The following HMGCLL1 variants were observed in gnomAD, a reference collection of about 807,000 sequenced individuals.
HMGCLL1 encodes 3-hydroxymethyl-3-methylglutaryl-CoA lyase, cytoplasmic.
Under a neutral mutation model 39.1 loss-of-function variants are expected in HMGCLL1, and 36 were observed. The ratio of observed to expected loss-of-function variants is 0.92; its 90% CI spans 0.71 to 1.22. The LOEUF (loss-of-function observed/expected upper bound fraction) is 1.22. Ranked by LOEUF, HMGCLL1 falls within the 50% of genes most tolerant of loss-of-function variation. The probability of loss-of-function intolerance (pLI) is 0.00; values close to 1 mark genes in which losing one functional copy is unlikely to be tolerated. For missense variants in HMGCLL1, 451 were observed against 416.5 expected, an observed-to-expected ratio of 1.08 and a Z score of -0.72; for synonymous variants, 149 against 144.0, an observed-to-expected ratio of 1.03 and a Z score of -0.25.
the HMGCLL1 span, among the ~76,000 whole-genome samples, chr6:55,612,438 A>G: frequency 2.0e-5 from 3 of 152,008 alleles, no homozygotes; most frequent in Non-Finnish European, 1.5e-5. Flanking sequence ...ACAGAATTAG[A>G]AAAAAAACCT....
chr6:55,499,541 G>T (rs1766766055), intron 5 of HMGCLL1, among the ~76,000 whole-genome samples: 2 of 152,108 alleles, frequency 1.3e-5, no homozygotes, highest in Non-Finnish European at 1.5e-5. Flanking sequence ...GGGATAAATA[G>T]TAAGTGATTA....
At chr6:55,479,488 T>G (rs1046841707) in intron 7 of HMGCLL1, among the ~76,000 whole-genome samples, 1 of 151,614 alleles carries the variant, frequency 6.6e-6, no homozygotes, top group Non-Finnish European at 1.5e-5. Flanking sequence ...TGAATCACTT[T>G]CACAGAGCAA....
At chr6:55,671,135 A>G in the HMGCLL1 span, among the ~76,000 whole-genome samples, 4 of 151,832 alleles carry the variant, frequency 2.6e-5, no homozygotes, top group Non-Finnish European at 4.4e-5. Context: ...TTGCCTTTGT[A>G]TAATCTGCCT....
At chr6:55,675,020 T>C in the HMGCLL1 span, among the ~76,000 whole-genome samples, 1 of 152,124 alleles carries the variant, frequency 6.6e-6, no homozygotes, top group Admixed American at 6.5e-5. Context: ...GTCATACTGA[T>C]ACATGCTGGA....
intron 7 of HMGCLL1, among the ~76,000 whole-genome samples, chr6:55,450,729 T>A (rs986506878): frequency 6.6e-6 from 1 of 152,012 alleles, no homozygotes; most frequent in Non-Finnish European, 1.5e-5. Context: ...AAGTAAGGGA[T>A]GATGCCATGA....
upstream of HMGCLL1, among the ~76,000 whole-genome samples, chr6:55,583,566 G>T (rs1772021367): frequency 6.6e-6 from 1 of 152,036 alleles, no homozygotes; most frequent in Non-Finnish European, 1.5e-5. Context: ...TGGTGTATAT[G>T]TGCCACATTT....
At chr6:55,494,627 A>T (rs1766484953) in intron 7 of HMGCLL1, among the ~76,000 whole-genome samples, 1 of 152,172 alleles carries the variant, frequency 6.6e-6, no homozygotes, top group Non-Finnish European at 1.5e-5. Flanking sequence ...TGTATACTTT[A>T]GGACTGTGAT....
the HMGCLL1 span, among the ~76,000 whole-genome samples, chr6:55,669,977 T>C: frequency 6.6e-6 from 1 of 151,800 alleles, no homozygotes; most frequent in African/African-American, 2.4e-5. Context: ...GTGGAAAACA[T>C]ATGACCACAG....
At chr6:55,565,886 C>T (rs1240636554) in intron 1 of HMGCLL1, among the ~76,000 whole-genome samples, 1 of 151,872 alleles carries the variant, frequency 6.6e-6, no homozygotes, top group East Asian at 1.9e-4. Context: ...GTCCTAAAAC[C>T]TAGGCAAGCA....
the HMGCLL1 span, among the ~76,000 whole-genome samples, chr6:55,641,933 G>A: frequency 8.7e-6 from 1 of 114,918 alleles, no homozygotes; most frequent in Non-Finnish European, 1.9e-5. Flanking sequence ...TATACTTTAA[G>A]TTTTAGGGTA....
the HMGCLL1 span, among the ~76,000 whole-genome samples, chr6:55,628,916 G>T: frequency 1.3e-5 from 2 of 152,238 alleles, no homozygotes; most frequent in South Asian, 4.1e-4. Flanking sequence ...ATGTGGAACT[G>T]TAAGTCCATT....
chr6:55,551,674 G>A (rs1291100924), intron 1 of HMGCLL1, among the ~76,000 whole-genome samples: 1 of 151,952 alleles, frequency 6.6e-6, no homozygotes, highest in Non-Finnish European at 1.5e-5. Context: ...CACCAGTACA[G>A]CCTCTACCCA....
the HMGCLL1 span, among the ~76,000 whole-genome samples, chr6:55,604,818 A>G: frequency 6.6e-6 from 1 of 152,312 alleles, no homozygotes; most frequent in East Asian, 1.9e-4. Flanking sequence ...ATAATCCCCA[A>G]CATTCACACA....
chr6:55,495,683 C>T, intron 6 of HMGCLL1, 76 bp from the exon 7 acceptor site: 1 of 1,048,018 alleles, frequency 9.5e-7, no homozygotes, highest in Non-Finnish European at 1.4e-6. Flanking sequence ...CAACTAACAT[C>T]ATCTAAAGGT....
the HMGCLL1 span, among the ~76,000 whole-genome samples, chr6:55,676,361 T>C: frequency 6.6e-6 from 1 of 152,194 alleles, no homozygotes; most frequent in South Asian, 2.1e-4. Context: ...TACCATCTTA[T>C]GAGAAATGGC....
intron 5 of HMGCLL1, among the ~76,000 whole-genome samples, chr6:55,508,332 A>T (rs946972698): frequency 6.6e-6 from 1 of 151,870 alleles, no homozygotes; most frequent in Non-Finnish European, 1.5e-5. Flanking sequence ...TCAATCCCTA[A>T]TTACATTTTT....
the HMGCLL1 span, among the ~76,000 whole-genome samples, chr6:55,611,828 A>G: frequency 1.3e-4 from 20 of 152,332 alleles, no homozygotes; most frequent in East Asian, 2.1e-3. Context: ...GCTATTTAAG[A>G]CAAACCCACA....
intron 3 of HMGCLL1, among the ~76,000 whole-genome samples, chr6:55,538,324 T>C (rs907714525): frequency 1.3e-5 from 2 of 152,196 alleles, no homozygotes; most frequent in African/African-American, 4.8e-5. Flanking sequence ...AAATCTATTA[T>C]CTTTCCTAAC....
At position 55,516,576 on chromosome 6, in the gene HMGCLL1, C is replaced by A; in HGVS notation, c.325G>T (p.Gly109Cys). ...CGAACTCCTGGATATTGATGAATGC[C>A]TTTCATTACTTCAGTGTGATCAGCC... ...QMADHTEVMK[G>C]IHQYPGVRYP... Residue 109 changes from glycine (G) to cysteine (C), a missense_variant, in exon 4 of 9, where the codon GGC (glycine) becomes TGC (cysteine). Coordinates refer to ENST00000274901, the MANE Select transcript of HMGCLL1 (RefSeq NM_001042406.2). The A allele has an allele frequency of 1.3e-6, 2 of 1,598,482 alleles. No individual in the cohort carries two copies. Among genetic ancestry groups the A allele is most frequent in the Non-Finnish European group, 8.6e-7 (1 of 1,169,276 alleles).
Sources: allele counts gnomAD v4.1 joint callset (sites outside exome capture counted in the v4.1 genomes callset), GRCh38; gene constraint gnomAD v4.1.1; transcripts MANE v1.5; gene names NCBI Gene and HGNC (gene_info 2026-07-23, HGNC 2026-07-21).